The following ERG variants were observed in gnomAD, a reference collection of about 807,000 sequenced individuals.
ERG encodes the protein ETS transcription factor ERG.
ERG carries 9 observed loss-of-function variants against 55.3 expected under a neutral mutation model. The ratio of observed to expected loss-of-function variants is 0.16; its 90% CI spans 0.10 to 0.28. The LOEUF is 0.28. ERG is among the 10% of genes least tolerant of loss of function. The pLI, the probability that ERG is intolerant of heterozygous loss-of-function variation, is 1.00. For synonymous variants in ERG, 223 were observed against 237.3 expected (o/e 0.94, Z 0.55); for missense variants, 434 against 631.6 (o/e 0.69, Z 3.35).
At chr21:38,503,870 C>T (rs2059440223) in intron 2 of ERG, among the ~76,000 whole-genome samples, 1 of 152,138 alleles carries the variant, frequency 6.6e-6, no homozygotes, top group Non-Finnish European at 1.5e-5. Context: ...TGCCTGAGAA[C>T]ATACGCGGCA....
At chr21:38,544,157 G>A (rs1211325546) in intron 2 of ERG, among the ~76,000 whole-genome samples, 4 of 152,200 alleles carry the variant, frequency 2.6e-5, no homozygotes, top group Non-Finnish European at 5.9e-5. Context: ...GATTGCGGGA[G>A]CAGCAAGTGC....
chr21:38,367,634 A>T, the ERG span: 4 of 520,226 alleles, frequency 7.7e-6, no homozygotes, highest in South Asian at 6.2e-5. Context: ...TTAAAAGCAG[A>T]TCATTGGGTC....
At chr21:38,451,784 T>C (rs917538208) in intron 1 of ERG, among the ~76,000 whole-genome samples, 8 of 152,220 alleles carry the variant, frequency 5.3e-5, no homozygotes, top group African/African-American at 1.7e-4. Flanking sequence ...TTATTCTAAA[T>C]GTGTGCACTT....
intron 2 of ERG, among the ~76,000 whole-genome samples, chr21:38,575,091 T>C (rs999636222): frequency 6.6e-6 from 1 of 152,134 alleles, no homozygotes; most frequent in Non-Finnish European, 1.5e-5. Flanking sequence ...CCTCAGGAAG[T>C]GCAGGTCAGA....
rs184323709 is a variant in ERG, at chr21:38,480,087, G to A, written c.18+18276C>T. ...GATCCCATAACCAAGAGGGCTACTCGGTGACTAACAGGCAGGTAGCATCTG... is the reference window on the plus strand; with the variant it reads ...GATCCCATAACCAAGAGGGCTACTCAGTGACTAACAGGCAGGTAGCATCTG... On this transcript the variant is annotated intron_variant, in intron 1 of 9. Transcript: ENST00000288319. Among the ~76,000 whole-genome samples the A allele has an allele frequency of 3.9e-5, 6 of 152,226 alleles. No homozygotes were observed. In the East Asian group the frequency reaches 7.7e-4, roughly 20 times the overall value.
intron 6 of ERG, among the ~76,000 whole-genome samples, chr21:38,397,056 C>A (rs951299427): frequency 1.3e-5 from 2 of 152,076 alleles, no homozygotes; most frequent in African/African-American, 4.8e-5. Flanking sequence ...AATCTTGAAT[C>A]AGGAAAACGT....
intron 1 of ERG, among the ~76,000 whole-genome samples, chr21:38,482,352 A>G (rs2059245556): frequency 6.6e-6 from 1 of 152,236 alleles, no homozygotes; most frequent in African/African-American, 2.4e-5. Flanking sequence ...TATGGTCAAA[A>G]AGACAAGAAA....
chr21:38,397,371 G>A (rs931583487), intron 6 of ERG, among the ~76,000 whole-genome samples: 12 of 151,980 alleles, frequency 7.9e-5, no homozygotes, highest in Non-Finnish European at 1.5e-4. Context: ...AGGCAGAGGT[G>A]GGCGGATCAC....
intron 1 of ERG, among the ~76,000 whole-genome samples, chr21:38,473,556 T>A (rs898250629): frequency 1.3e-5 from 2 of 152,192 alleles, no homozygotes; most frequent in Middle Eastern, 3.4e-3. Flanking sequence ...TAGGGGAAAT[T>A]GACTCAAATC....
At chr21:38,436,856 T>G (rs2058795107) in intron 2 of ERG, among the ~76,000 whole-genome samples, 1 of 148,274 alleles carries the variant, frequency 6.7e-6, no homozygotes, top group Non-Finnish European at 1.5e-5. Context: ...TCACCTTTGG[T>G]AGACCATGAG....
intron 2 of ERG, among the ~76,000 whole-genome samples, chr21:38,568,010 C>T (rs1238041013): frequency 3.3e-5 from 5 of 152,138 alleles, no homozygotes; most frequent in Non-Finnish European, 5.9e-5. Context: ...ACTTCCAGAG[C>T]GGCAGCCGTG....
chr21:38,585,646 T>G (rs1601280396), upstream of ERG, among the ~76,000 whole-genome samples: 1 of 148,828 alleles, frequency 6.7e-6, no homozygotes, highest in East Asian at 2.0e-4. Context: ...ACATGAGAAA[T>G]TGTAAATGGC....
intron 2 of ERG, among the ~76,000 whole-genome samples, chr21:38,506,555 C>T (rs889048738): frequency 4.6e-5 from 7 of 152,150 alleles, no homozygotes; most frequent in African/African-American, 1.7e-4. Context: ...ATACAGATTT[C>T]CTTGAAAATA....
chr21:38,533,611 T>A (rs1340656082), intron 2 of ERG, among the ~76,000 whole-genome samples: 9 of 152,338 alleles, frequency 5.9e-5, no homozygotes, highest in African/African-American at 2.2e-4. Flanking sequence ...GTATGACTAG[T>A]CTTCTTCAAA....
chr21:38,561,947 C>G (rs1568914321), intron 2 of ERG, among the ~76,000 whole-genome samples: 1 of 152,158 alleles, frequency 6.6e-6, no homozygotes, highest in African/African-American at 2.4e-5. Context: ...AAGTAAAACA[C>G]AACCAGAATT....
At chr21:38,652,720 A>G (rs458465) in intron 1 of ERG, among the ~76,000 whole-genome samples, 2 of 152,022 alleles carry the variant, frequency 1.3e-5, no homozygotes, top group African/African-American at 4.8e-5. Flanking sequence ...AGCATGCCCA[A>G]GAACGGCCCT....
chr21:38,583,568 T>G (rs1300693836), intron 1 of ERG, among the ~76,000 whole-genome samples: 3 of 152,184 alleles, frequency 2.0e-5, no homozygotes, highest in Non-Finnish European at 4.4e-5. Flanking sequence ...AAAATACTTA[T>G]AGCTATGGGT....
intron 2 of ERG, among the ~76,000 whole-genome samples, chr21:38,508,012 GACAC>G (rs368763717): frequency 0.018 from 33 of 1,822 alleles, 2 homozygotes; most frequent in Non-Finnish European, 0.034. Context: ...CACACACAGA[GACAC>G]ACAAACACAC....
the ERG span, among the ~76,000 whole-genome samples, chr21:38,371,422 A>G: frequency 6.6e-6 from 1 of 151,950 alleles, no homozygotes; most frequent in South Asian, 2.1e-4. Context: ...CTCCAAACCT[A>G]TGTTGAATAG....
Sources: allele counts gnomAD v4.1 joint callset (sites outside exome capture counted in the v4.1 genomes callset), GRCh38; gene constraint gnomAD v4.1.1; transcripts MANE v1.5; gene names NCBI Gene and HGNC (gene_info 2026-07-23, HGNC 2026-07-21).